TRIM66: variants seen among roughly 807,000 people sequenced by gnomAD.
TRIM66 encodes tripartite motif-containing protein 66.
A neutral mutation model predicts 148.2 loss-of-function variants in TRIM66; 99 were observed. The ratio of observed to expected loss-of-function variants is 0.67; its 90% CI spans 0.57 to 0.79. The LOEUF (loss-of-function observed/expected upper bound fraction) is 0.79. TRIM66 is among the 30% of genes least tolerant of loss of function. The pLI, the probability that TRIM66 is intolerant of heterozygous loss-of-function variation, is 0.00. For synonymous variants in TRIM66, 616 were observed against 635.9 expected, an observed-to-expected ratio of 0.97 and a Z score of 0.47; for missense variants, 1,666 against 1,697.9, an observed-to-expected ratio of 0.98 and a Z score of 0.33.
chr11:8,626,686 C>T (rs192422451), intron 15 of TRIM66, among the ~76,000 whole-genome samples: 47 of 152,346 alleles, frequency 3.1e-4, no homozygotes, highest in African/African-American at 1.1e-3. Flanking sequence ...TTTCAAAACA[C>T]GGATCCGATC....
chr11:8,661,997 G>C (rs1254400129), intron 6 of TRIM66, among the ~76,000 whole-genome samples: 1 of 152,182 alleles, frequency 6.6e-6, no homozygotes, highest in Non-Finnish European at 1.5e-5. Context: ...TCCCAGTAAT[G>C]GGTCCTGTTC....
At chr11:8,666,139 C>G (rs1193390942) in intron 6 of TRIM66, among the ~76,000 whole-genome samples, 1 of 151,238 alleles carries the variant, frequency 6.6e-6, no homozygotes, top group African/African-American at 2.4e-5. Flanking sequence ...GAGTTTGAGA[C>G]CAGCCTGGCC....
chr11:8,670,021 T>A lies in TRIM66; in HGVS notation c.340+1765A>T, dbSNP rs528490941. Reference sequence around the variant, plus strand: ...TGTCTTGTTTTGTTTTTATTTATTTTTTTTTTTTTGAGACAGAGTCTCACT... The same window carrying A: ...TGTCTTGTTTTGTTTTTATTTATTTATTTTTTTTTGAGACAGAGTCTCACT... On this transcript the variant is annotated intron_variant, in intron 6 of 24. Coordinates refer to ENST00000646038, the MANE Select transcript of TRIM66 (RefSeq NM_001388022.1). Among the ~76,000 whole-genome samples the A allele has an allele frequency of 9.1e-3, 1,369 of 150,638 alleles. 22 individuals are homozygous for A. The highest frequency in any genetic ancestry group is 0.014 in the Middle Eastern group (4 of 294).
chr11:8,648,677 A>T (rs1303347784), intron 8 of TRIM66, 129 bp from the exon 9 acceptor site: 1 of 1,169,410 alleles, frequency 8.6e-7, no homozygotes, highest in Admixed American at 2.6e-5. Context: ...GAAGTGTTAT[A>T]AACAGGAGAT....
intron 6 of TRIM66, among the ~76,000 whole-genome samples, chr11:8,669,692 G>A (rs2038818117): frequency 6.6e-6 from 1 of 151,698 alleles, no homozygotes; most frequent in Non-Finnish European, 1.5e-5. Context: ...AACCCCTAGT[G>A]GCAGCCACCT....
intron 6 of TRIM66, among the ~76,000 whole-genome samples, 161 bp from the exon 7 acceptor site, chr11:8,652,064 G>A (rs1204275531): frequency 1.4e-4 from 21 of 152,116 alleles, no homozygotes. Context: ...TAGTATGTGG[G>A]TACCCTGAAC....
intron 15 of TRIM66, among the ~76,000 whole-genome samples, chr11:8,635,430 C>T (rs1446927268): frequency 2.6e-5 from 4 of 152,196 alleles, no homozygotes; most frequent in Non-Finnish European, 5.9e-5. Flanking sequence ...TTGAGCTTCA[C>T]ACCCTCCACC....
At position 8,640,942 on chromosome 11, in the gene TRIM66, T is replaced by G; in HGVS notation, c.1433A>C (p.Lys478Thr). The G allele has an allele frequency of 1.3e-6, 2 of 1,550,934 alleles. No homozygotes were observed. Among genetic ancestry groups the G allele is most frequent in the Non-Finnish European group, 1.7e-6 (2 of 1,146,916 alleles). Reference sequence around the variant, plus strand: ...TATGCTGGGTGGGGGGACCTGGCCTTTGAGGGAAGGCGAGACTGGGGAGCA... The same window carrying G: ...TATGCTGGGTGGGGGGACCTGGCCTGTGAGGGAAGGCGAGACTGGGGAGCA... ...SHCSPVSPSL[K>T]GQVPPPSIHP... The change falls in exon 14 of 25, where the codon AAA (lysine) becomes ACA (threonine). Residue 478 changes from lysine to threonine, a missense_variant. By Grantham distance (78) the Lys-to-Thr change is moderately conservative. Coordinates refer to ENST00000646038, the MANE Select transcript of TRIM66 (RefSeq NM_001388022.1).
chr11:8,625,023 C>T lies in TRIM66; in HGVS notation c.2516G>A (p.Ser839Asn), dbSNP rs2034678081. 2 of 1,551,714 alleles carry T rather than the reference C, an allele frequency of 1.3e-6. No homozygotes were observed. Among genetic ancestry groups the T allele is most frequent in the African/African-American group, 1.4e-5 (1 of 73,172 alleles). Residue 839 changes from serine (S) to asparagine (N), a missense_variant, in exon 16 of 25, where the codon AGC (serine) becomes AAC (asparagine). Transcript: ENST00000646038. ...LTSVQNQAMPSLTTSHLQTVP... is the reference protein window; with the variant it reads ...LTSVQNQAMPNLTTSHLQTVP... ...AGTCTGTAGGTGACTGGTTGTCAGG[C>T]TGGGCATGGCCTGGTTTTGAACACT... is the stretch of plus-strand genomic sequence containing the variant.
At position 8,646,432 on chromosome 11, in the gene TRIM66, T is replaced by G. The variant is rs2036853400; in HGVS notation, c.957+15A>C. The G allele has an allele frequency of 1.3e-6, 2 of 1,547,528 alleles. No individual in the cohort carries two copies. The highest frequency in any genetic ancestry group is 2.7e-5 in the African/African-American group (2 of 72,932). On this transcript the variant is annotated intron_variant, in intron 11 of 24. Transcript: ENST00000646038. Reference sequence around the variant, plus strand: ...TTTCTGAACCCAACCATCTGATCCATCTGTCTATACATACCTCTAATTCCT... The same window carrying G: ...TTTCTGAACCCAACCATCTGATCCAGCTGTCTATACATACCTCTAATTCCT...
At chr11:8,681,216 C>T (rs1407970718) in intron 1 of TRIM66, among the ~76,000 whole-genome samples, 1 of 151,604 alleles carries the variant, frequency 6.6e-6, no homozygotes, top group Admixed American at 6.6e-5. Context: ...TCACTACAAG[C>T]TCCGCCTCCC....
intron 8 of TRIM66, among the ~76,000 whole-genome samples, chr11:8,649,301 C>T (rs1051480820): frequency 1.2e-4 from 18 of 151,846 alleles, no homozygotes; most frequent in South Asian, 4.2e-4. Context: ...ATCATGCCAC[C>T]GCACCCCAGC....
intron 15 of TRIM66, among the ~76,000 whole-genome samples, chr11:8,632,556 C>G (rs2035513960): frequency 7.0e-6 from 1 of 142,344 alleles, no homozygotes; most frequent in South Asian, 2.3e-4. Context: ...CTCCTAAGTT[C>G]AAGTGATTCT....
chr11:8,645,045 C>A, intron 12 of TRIM66, among the ~76,000 whole-genome samples: 1 of 152,210 alleles, frequency 6.6e-6, no homozygotes, highest in Non-Finnish European at 1.5e-5. Context: ...TCTGTCTATG[C>A]TGAAAATGAC....
chr11:8,619,594 G>A, intron 22 of TRIM66, 59 bp from the exon 23 acceptor site: 4 of 1,423,906 alleles, frequency 2.8e-6, no homozygotes, highest in South Asian at 1.5e-5. Context: ...AAATGGAGGT[G>A]TGGATAAGAA....
intron 17 of TRIM66, 144 bp from the exon 18 acceptor site, chr11:8,623,020 C>A: frequency 2.5e-6 from 1 of 407,636 alleles, no homozygotes; most frequent in South Asian, 3.1e-5. Flanking sequence ...GTCATTCATA[C>A]ATAGTGGTGA....
At chr11:8,641,210 A>T in intron 13 of TRIM66, 58 bp from the exon 14 acceptor site, 2 of 1,444,700 alleles carry the variant, frequency 1.4e-6, no homozygotes, top group Non-Finnish European at 1.9e-6. Flanking sequence ...CCACCTTGCT[A>T]CTTCCTGCTC....
At chr11:8,661,552 T>C (rs1386538767) in intron 6 of TRIM66, among the ~76,000 whole-genome samples, 2 of 152,174 alleles carry the variant, frequency 1.3e-5, no homozygotes, top group Non-Finnish European at 2.9e-5. Context: ...AGAGAGTCAT[T>C]TGGGGAACCA....
intron 6 of TRIM66, 79 bp downstream of exon 6, chr11:8,671,707 A>G: frequency 1.4e-6 from 1 of 690,044 alleles, no homozygotes; most frequent in Non-Finnish European, 2.5e-6. Flanking sequence ...TTCTTTCTAC[A>G]CCCAAAATTC....
Sources: allele counts gnomAD v4.1 joint callset (sites outside exome capture counted in the v4.1 genomes callset), GRCh38; gene constraint gnomAD v4.1.1; transcripts MANE v1.5; gene names NCBI Gene and HGNC (gene_info 2026-07-23, HGNC 2026-07-21).